ABI3BP: variants seen among roughly 807,000 people sequenced by gnomAD.
ABI3BP encodes the protein target of Nesh-SH3.
Under a neutral mutation model 268.6 loss-of-function variants are expected in ABI3BP, and 216 were observed. The observed-to-expected ratio is 0.80, with a 90% CI of 0.72 to 0.90. The LOEUF (loss-of-function observed/expected upper bound fraction) is 0.90. Ranked by LOEUF, ABI3BP falls within the 40% of genes least tolerant of loss-of-function variation. ABI3BP has a pLI of 0.00. For missense variants in ABI3BP, 2,090 were observed against 2,182.4 expected (o/e 0.96, Z 0.84); for synonymous variants, 730 against 730.0 (o/e 1.00, Z 0.00).
intron 9 of ABI3BP, among the ~76,000 whole-genome samples, chr3:100,868,858 G>GT (rs3031644): frequency 0.021 from 3,206 of 151,484 alleles, 100 homozygotes; most frequent in African/African-American, 0.072. Flanking sequence ...AATTTTATCA[G>GT]TTTTTTTTCT....
intron 2 of ABI3BP, among the ~76,000 whole-genome samples, chr3:100,920,484 C>G (rs536497550): frequency 6.6e-6 from 1 of 152,008 alleles, no homozygotes; most frequent in African/African-American, 2.4e-5. Flanking sequence ...AGTGCATTGG[C>G]GTGATCTTGG....
At chr3:100,796,665 G>A (rs2097355031) in intron 51 of ABI3BP, among the ~76,000 whole-genome samples, 197 bp from the exon 52 acceptor site, 1 of 152,114 alleles carries the variant, frequency 6.6e-6, no homozygotes, top group Non-Finnish European at 1.5e-5. Flanking sequence ...TCTGGTGGCA[G>A]TGAAACAGAA....
At chr3:100,892,781 G>A (rs969817575) in intron 4 of ABI3BP, among the ~76,000 whole-genome samples, 2 of 152,220 alleles carry the variant, frequency 1.3e-5, no homozygotes, top group African/African-American at 4.8e-5. Context: ...GTTGTGCATA[G>A]AGGGGATTGT....
intron 2 of ABI3BP, among the ~76,000 whole-genome samples, chr3:100,908,349 T>G (rs1036628930): frequency 6.6e-6 from 1 of 152,170 alleles, no homozygotes; most frequent in Non-Finnish European, 1.5e-5. Flanking sequence ...TGTTGATAAC[T>G]GAGTTGAATT....
chr3:100,896,589 A>C (rs1477090217), intron 4 of ABI3BP, among the ~76,000 whole-genome samples: 1 of 152,200 alleles, frequency 6.6e-6, no homozygotes, highest in Non-Finnish European at 1.5e-5. Context: ...ATTTTGCTGT[A>C]AGACTACAAA....
intron 4 of ABI3BP, among the ~76,000 whole-genome samples, chr3:100,896,194 G>A (rs1457955160): frequency 2.0e-5 from 3 of 152,050 alleles, no homozygotes; most frequent in African/African-American, 7.3e-5. Flanking sequence ...CCATCTATTT[G>A]ATAAGAGTAG....
In ABI3BP at chr3:100,850,654, CATT is replaced by C; in HGVS notation, c.1426+3_1426+5del. 6.3e-7 allele frequency: 1 copy of C among 1,599,868 alleles called. No individual in the cohort carries two copies. The highest frequency in any genetic ancestry group is 8.6e-7 in the Non-Finnish European group (1 of 1,169,292). On this transcript the variant is annotated splice_donor_5th_base_variant and intron_variant, in intron 16 of 67. Transcript: ENST00000471714. ...TAAAGTATGATTTTTCTGTTAAAAA[CATT>C]ACCCAGTGTTGCCCTTGGCTGTTCA...
chr3:100,898,752 CTAA>C lies in ABI3BP; in HGVS notation c.461+7_461+9del. ...GTACAGATGCTATTAAAAGCAAATG[CTAA>C]TATTACCTGTCATTGGGACAGTGAC... On this transcript the variant is annotated splice_region_variant and intron_variant, in intron 4 of 67. Coordinates refer to ENST00000471714, the MANE Select transcript of ABI3BP (RefSeq NM_001375547.2). 6.2e-7 allele frequency: 1 copy of C among 1,611,972 alleles called. No homozygotes were observed. The highest frequency in any genetic ancestry group is 8.5e-7 in the Non-Finnish European group (1 of 1,178,950).
chr3:100,784,819 G>T (rs1255279102), intron 57 of ABI3BP, among the ~76,000 whole-genome samples: 1 of 152,114 alleles, frequency 6.6e-6, no homozygotes, highest in Non-Finnish European at 1.5e-5. Context: ...CTTAAAAGTG[G>T]GAGGTAAGCT....
chr3:100,894,809 G>A (rs1209155377), intron 4 of ABI3BP, among the ~76,000 whole-genome samples: 2 of 151,336 alleles, frequency 1.3e-5, no homozygotes, highest in African/African-American at 4.9e-5. Context: ...CATGGTGGCC[G>A]GTGCCTGTAG....
chr3:100,954,995 T>C (rs1482893524), intron 1 of ABI3BP, among the ~76,000 whole-genome samples: 2 of 26,420 alleles, frequency 7.6e-5, no homozygotes, highest in Non-Finnish European at 1.7e-4. Context: ...TTTTTTTTTT[T>C]TTTTTACGAA....
chr3:100,973,913 T>C (rs1206766997), intron 1 of ABI3BP, among the ~76,000 whole-genome samples: 1 of 152,186 alleles, frequency 6.6e-6, no homozygotes, highest in Non-Finnish European at 1.5e-5. Flanking sequence ...AAGAAATTAG[T>C]ATGAGTTTCA....
intron 2 of ABI3BP, among the ~76,000 whole-genome samples, chr3:100,916,670 G>A (rs913343072): frequency 3.9e-5 from 6 of 152,180 alleles, no homozygotes; most frequent in African/African-American, 1.2e-4. Context: ...TCAGCTAACT[G>A]GTTGATAAGA....
chr3:100,977,180 T>G (rs1234459510), intron 1 of ABI3BP, among the ~76,000 whole-genome samples: 1 of 152,212 alleles, frequency 6.6e-6, no homozygotes, highest in East Asian at 1.9e-4. Flanking sequence ...CAGATAAGAT[T>G]ATTTACACTT....
intron 50 of ABI3BP, among the ~76,000 whole-genome samples, chr3:100,806,157 A>T (rs191524694): frequency 7.4e-4 from 112 of 152,228 alleles, no homozygotes; most frequent in African/African-American, 2.5e-3. Flanking sequence ...GCCAATTTAT[A>T]AACACACTTT....
chr3:100,788,262 T>C (rs1329204439), intron 56 of ABI3BP, among the ~76,000 whole-genome samples: 1 of 152,170 alleles, frequency 6.6e-6, no homozygotes, highest in African/African-American at 2.4e-5. Flanking sequence ...ATTATACTAG[T>C]CCTTTCACAA....
chr3:100,832,294 G>T lies in ABI3BP; in HGVS notation c.2371C>A (p.Pro791Thr), dbSNP rs1560565380. The T allele has an allele frequency of 6.5e-7, 1 of 1,535,594 alleles. No individual in the cohort carries two copies. Reference sequence around the variant, plus strand: ...TTAGTTTGAGGTACTTCTGGATGGGGCGTGGTTTTAGGTTTGGGATGTGGA... The same window carrying T: ...TTAGTTTGAGGTACTTCTGGATGGGTCGTGGTTTTAGGTTTGGGATGTGGA... Reference protein sequence around the residue: ...RRPHPKPKTTPHPEVPQTKLV... With the variant: ...RRPHPKPKTTTHPEVPQTKLV... The change falls in exon 31 of 68, where the codon CCC becomes ACC. Residue 791 changes from proline to threonine, a missense_variant. By Grantham distance (38) the Pro-to-Thr change is conservative. Transcript: ENST00000471714.
chr3:100,772,577 A>T (rs1189288795), intron 61 of ABI3BP, among the ~76,000 whole-genome samples: 8 of 152,208 alleles, frequency 5.3e-5, no homozygotes, highest in Admixed American at 5.2e-4. Flanking sequence ...CCCCAAAGCA[A>T]CCATGAAAAT....
intron 53 of ABI3BP, 150 bp downstream of exon 53, chr3:100,795,654 C>T (rs1458003965): frequency 1.6e-6 from 1 of 622,558 alleles, no homozygotes; most frequent in African/African-American, 2.0e-5. Flanking sequence ...GAAATAATTG[C>T]TTTTCTGTTT....
Sources: allele counts gnomAD v4.1 joint callset (sites outside exome capture counted in the v4.1 genomes callset), GRCh38; gene constraint gnomAD v4.1.1; transcripts MANE v1.5; gene names NCBI Gene and HGNC (gene_info 2026-07-23, HGNC 2026-07-21).